MYH15: variants seen among roughly 807,000 people sequenced by gnomAD.
The protein encoded by MYH15 is myosin heavy chain 15, also known as myosin-15.
MYH15 carries 227 observed loss-of-function variants against 240.5 expected under a neutral mutation model. That is an observed-to-expected ratio of 0.94 (90% CI 0.85 to 1.05). The LOEUF (loss-of-function observed/expected upper bound fraction) is 1.05. Among genes scored for constraint, MYH15 ranks in the 50% least tolerant of loss-of-function variants. MYH15 has a pLI of 0.00. For missense variants in MYH15, 2,217 were observed against 2,247.5 expected, an observed-to-expected ratio of 0.99 and a Z score of 0.27; for synonymous variants, 785 against 796.7, an observed-to-expected ratio of 0.99 and a Z score of 0.25.
At chr3:108,489,844 T>C (rs1019768719) in intron 9 of MYH15, among the ~76,000 whole-genome samples, 7 of 152,140 alleles carry the variant, frequency 4.6e-5, no homozygotes, top group Admixed American at 4.6e-4. Context: ...AAAAGGACAA[T>C]GGGTGCTAAA....
intron 30 of MYH15, among the ~76,000 whole-genome samples, chr3:108,412,219 T>C (rs2107549060): frequency 6.6e-6 from 1 of 152,252 alleles, no homozygotes; most frequent in Non-Finnish European, 1.5e-5. Flanking sequence ...GAGGGACTAG[T>C]GGGAGGTAAT....
intron 1 of MYH15, among the ~76,000 whole-genome samples, chr3:108,529,005 T>C (rs1040911254): frequency 3.3e-5 from 5 of 152,192 alleles, no homozygotes; most frequent in Admixed American, 1.3e-4. Context: ...AAGTTGTGTG[T>C]TGGGGACTGG....
intron 35 of MYH15, among the ~76,000 whole-genome samples, chr3:108,395,556 T>C (rs1275079822): frequency 6.6e-6 from 1 of 151,984 alleles, no homozygotes; most frequent in African/African-American, 2.4e-5. Flanking sequence ...GTACATAGAA[T>C]CCTTTAAAAT....
intron 21 of MYH15, among the ~76,000 whole-genome samples, chr3:108,446,356 C>G (rs2082928037): frequency 1.3e-5 from 2 of 152,264 alleles, no homozygotes; most frequent in African/African-American, 4.8e-5. Flanking sequence ...GAAACTACCA[C>G]CAGGCCATCA....
intron 6 of MYH15, among the ~76,000 whole-genome samples, chr3:108,497,552 T>C (rs570349011): frequency 2.4e-4 from 37 of 152,222 alleles, no homozygotes; most frequent in Non-Finnish European, 4.3e-4. Context: ...TTTTTTTTAA[T>C]AGGGAAGGCA....
At chr3:108,544,393 G>T in the MYH15 span, among the ~76,000 whole-genome samples, 12 of 152,148 alleles carry the variant, frequency 7.9e-5, no homozygotes, top group Admixed American at 3.9e-4. Context: ...ACCTTACAAA[G>T]AAACATAGCC....
chr3:108,413,016 A>G (rs901150937), intron 30 of MYH15, among the ~76,000 whole-genome samples: 7 of 152,236 alleles, frequency 4.6e-5, no homozygotes, highest in Non-Finnish European at 7.3e-5. Flanking sequence ...ATTACATACT[A>G]CAGAACTAGT....
intron 7 of MYH15, 27 bp downstream of exon 7, chr3:108,495,753 G>C (rs1308890555): frequency 1.3e-6 from 2 of 1,550,142 alleles, no homozygotes; most frequent in Non-Finnish European, 1.8e-6. Context: ...TAAATACTTT[G>C]ATATTATGCT....
chr3:108,537,105 C>A, the MYH15 span, among the ~76,000 whole-genome samples: 1 of 152,146 alleles, frequency 6.6e-6, no homozygotes, highest in African/African-American at 2.4e-5. Context: ...TTTGAGAAAT[C>A]CACCCTTTCT....
intron 20 of MYH15, 49 bp downstream of exon 20, chr3:108,455,687 T>G (rs2083012728): frequency 6.3e-7 from 1 of 1,593,746 alleles, no homozygotes; most frequent in Admixed American, 1.7e-5. Flanking sequence ...AGATACACAG[T>G]CTTCCCCCCA....
At chr3:108,476,343 T>A (rs553737215) in intron 12 of MYH15, 54 bp downstream of exon 12, 42 of 1,128,216 alleles carry the variant, frequency 3.7e-5, no homozygotes, top group Admixed American at 1.7e-4. Context: ...GTACAATATA[T>A]ATACAATTAT....
rs553862697 is a variant in MYH15 at position 108,388,074 on chromosome 3, T to G, written c.5535+896A>C. Among the ~76,000 whole-genome samples the G allele has an allele frequency of 4.6e-5, 7 of 152,252 alleles. No individual in the cohort carries two copies. The South Asian group carries it at 1.2e-3, about 27-fold the overall frequency. On this transcript the variant is annotated intron_variant, in intron 38 of 40. Coordinates refer to ENST00000693548, the MANE Select transcript of MYH15 (RefSeq NM_014981.3). ...TTGGAATAAGCTGTCATGTGCAATG[T>G]GAGAGGGCTGGGATAAGCTATCATG... is the stretch of plus-strand genomic sequence containing the variant.
At chr3:108,513,722 C>T (rs114841672), upstream of MYH15, among the ~76,000 whole-genome samples, 2,909 of 152,178 alleles carry the variant, frequency 0.019, 102 homozygotes, top group African/African-American at 0.067. Context: ...CTTGAGATGG[C>T]AATTTCTAAA....
At chr3:108,507,248 T>TGA (rs767300862) in intron 1 of MYH15, among the ~76,000 whole-genome samples, 13,709 of 58,348 alleles carry the variant, frequency 0.23, 1,416 homozygotes, top group Middle Eastern at 0.33. Flanking sequence ...TATATATATA[T>TGA]ATATATATAT....
Position 108,441,129 on chromosome 3 carries a change from A to C in MYH15, c.2787T>G (p.Thr929=). The change falls in exon 23 of 41, where the codon ACT becomes ACG. Residue 929 remains threonine, a synonymous_variant. Coordinates refer to ENST00000693548, the MANE Select transcript of MYH15 (RefSeq NM_014981.3). ...EEEEEINSEL[T]ARGRKLEDEC... Reference sequence around the variant, plus strand: ...CATCTTCGAGTTTCCGCCCCCTGGCAGTCAGCTCAGAATTTATCTCCTCTT... The same window carrying C: ...CATCTTCGAGTTTCCGCCCCCTGGCCGTCAGCTCAGAATTTATCTCCTCTT... 2 of 1,614,142 alleles carry C rather than the reference A, an allele frequency of 1.2e-6. No individual in the cohort carries two copies. The highest frequency in any genetic ancestry group is 1.7e-6 in the Non-Finnish European group (2 of 1,180,006).
rs1272459961 is a variant in MYH15 at position 108,428,735 on chromosome 3, C to T, written c.3459G>A (p.Leu1153=). The T allele has an allele frequency of 6.2e-7, 1 of 1,613,924 alleles. No homozygotes were observed. The highest frequency in any genetic ancestry group is 1.3e-5 in the African/African-American group (1 of 74,934). Residue 1153 remains leucine, a synonymous_variant, in exon 27 of 41, where the codon CTG becomes CTA. Transcript: ENST00000693548. ...EEVGGSSLAQ[L]EITKKQETKF... is the part of the protein sequence containing the mutation. The stretch of plus-strand genomic sequence containing the variant: ...TGGTTTCCTGTTTCTTAGTTATTTC[C>T]AGCTGAGCCAAACTGGATCCTCCTA...
chr3:108,527,962 G>A (rs983918307), intron 1 of MYH15, among the ~76,000 whole-genome samples: 6 of 152,306 alleles, frequency 3.9e-5, no homozygotes, highest in African/African-American at 1.4e-4. Flanking sequence ...TGTATCTGGT[G>A]AGGGACTTCT....
chr3:108,464,925 T>A, intron 14 of MYH15, 111 bp from the exon 15 acceptor site: 1 of 904,524 alleles, frequency 1.1e-6, no homozygotes, highest in Non-Finnish European at 1.6e-6. Flanking sequence ...AAGGGAAGAA[T>A]ATTCACTGCA....
chr3:108,499,640 A>G (rs2083421478), intron 4 of MYH15, among the ~76,000 whole-genome samples, 158 bp from the exon 5 acceptor site: 1 of 152,224 alleles, frequency 6.6e-6, no homozygotes, highest in Non-Finnish European at 1.5e-5. Flanking sequence ...CAAATGGTAC[A>G]GGGTAAAATC....
Sources: gnomAD v4.1 joint callset for allele counts (sites outside exome capture counted in the v4.1 genomes callset) on GRCh38, gnomAD v4.1.1 for gene constraint, MANE v1.5 for transcripts, NCBI Gene and HGNC (gene_info 2026-07-23, HGNC 2026-07-21) for gene names.